Variants in AEBP2 observed in about 807,000 individuals in gnomAD.
AEBP2 encodes AE binding protein 2, also known as zinc finger protein AEBP2.
In AEBP2, 10 loss-of-function variants were observed where a neutral mutation model predicts 50.8. The ratio of observed to expected loss-of-function variants is 0.20; its 90% CI spans 0.12 to 0.33. The LOEUF (loss-of-function observed/expected upper bound fraction) is 0.33, where lower values mean the gene tolerates loss of function less well. AEBP2 is among the 10% of genes least tolerant of loss of function. AEBP2 has a pLI of 1.00. For synonymous variants in AEBP2, 296 were observed against 261.3 expected (o/e 1.13, Z -1.28); for missense variants, 570 against 688.0 (o/e 0.83, Z 1.92).
intron 1 of AEBP2, among the ~76,000 whole-genome samples, chr12:19,418,100 G>T (rs1196685077): frequency 3.3e-5 from 5 of 152,064 alleles, no homozygotes; most frequent in Non-Finnish European, 1.5e-5. Flanking sequence ...GTCTAAATAG[G>T]AAACATTCAC....
intron 4 of AEBP2, among the ~76,000 whole-genome samples, chr12:19,498,651 A>C (rs1949021260): frequency 3.3e-5 from 5 of 152,188 alleles, no homozygotes; most frequent in Admixed American, 3.3e-4. Flanking sequence ...GAAAAATTAC[A>C]TGTATTAGTA....
intron 3 of AEBP2, among the ~76,000 whole-genome samples, chr12:19,484,830 A>G (rs1948784461): frequency 1.3e-5 from 2 of 152,176 alleles, no homozygotes; most frequent in East Asian, 3.8e-4. Flanking sequence ...AAATGAATGA[A>G]TAAGTAAATC....
chr12:19,509,267 T>G, intron 5 of AEBP2: 1 of 276,808 alleles, frequency 3.6e-6, no homozygotes, highest in Non-Finnish European at 7.1e-6. Context: ...AATGCAACTT[T>G]TTTAAGTAAT....
At chr12:19,415,217 C>G (rs147399428) in intron 1 of AEBP2, among the ~76,000 whole-genome samples, 1 of 143,344 alleles carries the variant, frequency 7.0e-6, no homozygotes, top group Admixed American at 7.1e-5. Context: ...GGGGGGCTGA[C>G]GTGGGAGAAT....
At chr12:19,478,594 A>C (rs1948685009) in intron 3 of AEBP2, among the ~76,000 whole-genome samples, 1 of 152,150 alleles carries the variant, frequency 6.6e-6, no homozygotes, top group South Asian at 2.1e-4. Context: ...CTGGCATTTG[A>C]TGTAGGCATT....
upstream of AEBP2, among the ~76,000 whole-genome samples, chr12:19,439,307 G>T (rs189071275): frequency 6.6e-6 from 1 of 151,768 alleles, no homozygotes; most frequent in Non-Finnish European, 1.5e-5. Flanking sequence ...TTCAGTCCGC[G>T]TGTCCCTGGG....
chr12:19,475,694 A>G (rs770608854), intron 3 of AEBP2, among the ~76,000 whole-genome samples: 1 of 152,086 alleles, frequency 6.6e-6, no homozygotes, highest in Non-Finnish European at 1.5e-5. Flanking sequence ...TAGTGGTTGT[A>G]TTATATTCTC....
chr12:19,460,311 G>C (rs1948351004), intron 1 of AEBP2, among the ~76,000 whole-genome samples: 1 of 152,136 alleles, frequency 6.6e-6, no homozygotes, highest in Non-Finnish European at 1.5e-5. Flanking sequence ...TCTCAGGTGT[G>C]AGTGAATAGG....
rs901617792 is a variant in AEBP2 at position 19,459,531 on chromosome 12, G to A, written c.672-2979G>A. ...CAGGCGTGAGCCACCGCGCCCGGCC[G>A]GGGGAAACTTGAAATTTCTAGGGTT... On this transcript the variant is annotated intron_variant, in intron 1 of 7. Transcript: ENST00000266508. 2.6e-5 allele frequency among the ~76,000 whole-genome samples: 4 copies of A among 152,110 alleles called. No individual in the cohort carries two copies. In the South Asian group the frequency reaches 6.2e-4, roughly 24 times the overall value.
chr12:19,414,731 T>A (rs571561164), intron 1 of AEBP2, among the ~76,000 whole-genome samples: 1 of 152,288 alleles, frequency 6.6e-6, no homozygotes, highest in African/African-American at 2.4e-5. Flanking sequence ...GAGACCAACC[T>A]GGCCAACATG....
chr12:19,501,622 G>A lies in AEBP2; in HGVS notation c.1299+1401G>A, dbSNP rs543025642. ...ACTGCACTGCAGCCTGGGCTACAAA[G>A]TGAGACCCTGTCTGGAAAAAAAAAA... On this transcript the variant is annotated intron_variant, in intron 5 of 7. Coordinates refer to ENST00000266508, the MANE Select transcript of AEBP2 (RefSeq NM_153207.5). Among the ~76,000 whole-genome samples the A allele has an allele frequency of 3.5e-5, 5 of 142,486 alleles. No homozygotes were observed. The East Asian group carries it at 8.1e-4, about 23-fold the overall frequency. 93.5% of individuals were successfully genotyped at this position (142,486 alleles called of 152,430 possible).
chr12:19,488,793 G>A (rs977580964), intron 3 of AEBP2, among the ~76,000 whole-genome samples: 1 of 152,036 alleles, frequency 6.6e-6, no homozygotes, highest in Admixed American at 6.6e-5. Context: ...TTGGCCACCA[G>A]CATATTTTTT....
chr12:19,448,410 G>A (rs1011100497), intron 1 of AEBP2, among the ~76,000 whole-genome samples: 5 of 151,962 alleles, frequency 3.3e-5, no homozygotes, highest in Admixed American at 6.6e-5. Flanking sequence ...GCTTGAACCC[G>A]GGAGGTGGAG....
intron 3 of AEBP2, among the ~76,000 whole-genome samples, chr12:19,474,277 GT>G (rs781180717): frequency 3.9e-5 from 6 of 152,156 alleles, no homozygotes; most frequent in Non-Finnish European, 8.8e-5. Flanking sequence ...GAGATTAACA[GT>G]TTATGTTTAA....
chr12:19,424,250 A>T (rs1336805960), intron 1 of AEBP2, among the ~76,000 whole-genome samples: 4 of 152,202 alleles, frequency 2.6e-5, no homozygotes, highest in Admixed American at 1.3e-4. Context: ...GTGGCAAAGC[A>T]TGCAACACAG....
intron 1 of AEBP2, among the ~76,000 whole-genome samples, chr12:19,448,206 C>T (rs1948106420): frequency 6.6e-6 from 1 of 152,142 alleles, no homozygotes; most frequent in African/African-American, 2.4e-5. Flanking sequence ...TGTGCCTTGC[C>T]AGAAGTCATC....
chr12:19,441,238 A>G (rs1947953127), intron 1 of AEBP2, among the ~76,000 whole-genome samples: 1 of 152,230 alleles, frequency 6.6e-6, no homozygotes, highest in African/African-American at 2.4e-5. Context: ...AAAGCTTGTT[A>G]GAAGTAACTG....
intron 4 of AEBP2, among the ~76,000 whole-genome samples, chr12:19,494,498 CT>C (rs747750453): frequency 0.015 from 1,697 of 115,834 alleles, 16 homozygotes; most frequent in African/African-American, 0.045. Flanking sequence ...AGCAGTGTTG[CT>C]TTTTTTTTTT....
chr12:19,468,476 T>C (rs1948520803), intron 2 of AEBP2, among the ~76,000 whole-genome samples: 1 of 152,226 alleles, frequency 6.6e-6, no homozygotes, highest in African/African-American at 2.4e-5. Flanking sequence ...AATTTCCTTG[T>C]GCATACTTAC....
Sources: allele counts gnomAD v4.1 joint callset (sites outside exome capture counted in the v4.1 genomes callset), GRCh38; gene constraint gnomAD v4.1.1; transcripts MANE v1.5; gene names NCBI Gene and HGNC (gene_info 2026-07-23, HGNC 2026-07-21).